Variants in NMNAT2 observed in about 807,000 individuals in gnomAD.
NMNAT2 encodes the protein nicotinamide/nicotinic acid mononucleotide adenylyltransferase 2.
A neutral mutation model predicts 41.6 loss-of-function variants in NMNAT2; 11 were observed. That is an observed-to-expected ratio of 0.26 (90% CI 0.17 to 0.44). The LOEUF is 0.44. NMNAT2 is among the 20% of genes least tolerant of loss of function. NMNAT2 has a pLI of 1.00. For missense variants in NMNAT2, 288 were observed against 407.7 expected, an observed-to-expected ratio of 0.71 and a Z score of 2.53; for synonymous variants, 148 against 151.2, an observed-to-expected ratio of 0.98 and a Z score of 0.16.
At chr1:183,320,422 G>A (rs1246423092) in intron 1 of NMNAT2, among the ~76,000 whole-genome samples, 8 of 152,008 alleles carry the variant, frequency 5.3e-5, no homozygotes, top group Non-Finnish European at 5.9e-5. Flanking sequence ...TGGCCAACGT[G>A]GTGAAACCCC....
intron 1 of NMNAT2, among the ~76,000 whole-genome samples, chr1:183,327,714 G>T (rs1662499528): frequency 6.6e-6 from 1 of 152,206 alleles, no homozygotes; most frequent in African/African-American, 2.4e-5. Flanking sequence ...ATTTCTCAGT[G>T]CCACAAGGAC....
intron 1 of NMNAT2, among the ~76,000 whole-genome samples, chr1:183,372,281 C>T (rs1663565200): frequency 6.6e-6 from 1 of 152,066 alleles, no homozygotes; most frequent in African/African-American, 2.4e-5. Context: ...TCCATCAAAC[C>T]AGAAAAAACA....
intron 1 of NMNAT2, among the ~76,000 whole-genome samples, chr1:183,376,988 C>T (rs1250782694): frequency 6.6e-6 from 1 of 152,132 alleles, no homozygotes; most frequent in Non-Finnish European, 1.5e-5. Flanking sequence ...GAAAGCTCCC[C>T]TCTTGGTTCT....
intron 1 of NMNAT2, among the ~76,000 whole-genome samples, chr1:183,380,841 T>G (rs1663789022): frequency 6.6e-6 from 1 of 152,144 alleles, no homozygotes; most frequent in South Asian, 2.1e-4. Context: ...GCTTGTCACC[T>G]TGTAGGAGGT....
At chr1:183,286,853 A>G (rs762197233) in intron 4 of NMNAT2, 65 bp from the exon 5 acceptor site, 45 of 1,540,966 alleles carry the variant, frequency 2.9e-5, no homozygotes, top group Non-Finnish European at 3.9e-5. Flanking sequence ...AGTTATCTCC[A>G]AGTGGTCATC....
chr1:183,392,339 A>G (rs1005175942), intron 1 of NMNAT2, among the ~76,000 whole-genome samples: 2 of 152,164 alleles, frequency 1.3e-5, no homozygotes, highest in African/African-American at 4.8e-5. Context: ...CCTACAAAAT[A>G]TATCTGATAC....
chr1:183,328,071 G>C (rs1262102163), intron 1 of NMNAT2, among the ~76,000 whole-genome samples: 1 of 152,208 alleles, frequency 6.6e-6, no homozygotes, highest in Non-Finnish European at 1.5e-5. Context: ...ACTTGGGCCA[G>C]AGAGGGGAGA....
chr1:183,261,345 C>T lies in NMNAT2; in HGVS notation c.652-42G>A, dbSNP rs201907080. 3,910 of 1,528,120 alleles carry T rather than the reference C, an allele frequency of 2.6e-3. 14 individuals are homozygous for T. Among genetic ancestry groups the T allele is most frequent in the Middle Eastern group, 5.3e-3 (23 of 4,316 alleles). The allele number at this position is 1,528,120 out of a possible 1,614,324, so 94.7% of individuals were successfully genotyped here. On this transcript the variant is annotated intron_variant, in intron 8 of 10. Coordinates refer to ENST00000287713, the MANE Select transcript of NMNAT2 (RefSeq NM_015039.4). ...AGGGCCCTTTGGTGAAACCCTGATCCCAAACTCCTACCAAGCAACTACTTA... is the reference window on the plus strand; with the variant it reads ...AGGGCCCTTTGGTGAAACCCTGATCTCAAACTCCTACCAAGCAACTACTTA...
In NMNAT2 at chr1:183,389,736, AAAAGAAAGAAAGAAAGAAAG is replaced by A. The variant is rs1186159050; in HGVS notation, c.85+28427_85+28446del. ...GGGCAACAGAGCAAGACCCTGTCAA[AAAAGAAAGAAAGAAAGAAAG>A]AAAGAAAGAAAGAAAGAAAGAAAGA... is the stretch of plus-strand genomic sequence containing the variant. On this transcript the variant is annotated intron_variant, in intron 1 of 10. Coordinates refer to ENST00000287713, the MANE Select transcript of NMNAT2 (RefSeq NM_015039.4). 5.6e-3 allele frequency among the ~76,000 whole-genome samples: 426 copies of A among 76,400 alleles called. 22 individuals carry two copies. Among genetic ancestry groups the A allele is most frequent in the Middle Eastern group, 6.7e-3 (1 of 150 alleles). 50.1% of individuals were successfully genotyped at this position (76,400 alleles called of 152,430 possible). A position where few individuals can be genotyped will look rare whatever the true frequency, so the allele number is the denominator to read the frequency against.
intron 1 of NMNAT2, among the ~76,000 whole-genome samples, chr1:183,298,395 T>G (rs1332513436): frequency 6.6e-6 from 1 of 150,392 alleles, no homozygotes; most frequent in Admixed American, 6.7e-5. Flanking sequence ...TATTTCCATA[T>G]GCTAGCAACA....
chr1:183,264,461 G>A (rs1349363381), intron 8 of NMNAT2, among the ~76,000 whole-genome samples: 2 of 152,066 alleles, frequency 1.3e-5, no homozygotes, highest in Admixed American at 1.3e-4. Context: ...GGTCGAGGGA[G>A]ACAGGATCTA....
chr1:183,331,381 G>T (rs1298871708), intron 1 of NMNAT2, among the ~76,000 whole-genome samples: 1 of 152,148 alleles, frequency 6.6e-6, no homozygotes, highest in Non-Finnish European at 1.5e-5. Flanking sequence ...AAGGAGAGAG[G>T]AGAAGGGAGC....
chr1:183,346,977 A>G (rs1424151282), intron 1 of NMNAT2, among the ~76,000 whole-genome samples: 1 of 152,170 alleles, frequency 6.6e-6, no homozygotes, highest in African/African-American at 2.4e-5. Context: ...AGACCCACTC[A>G]GATTCCACCT....
intron 1 of NMNAT2, among the ~76,000 whole-genome samples, chr1:183,374,291 CTTGCA>C: frequency 9.2e-6 from 1 of 108,602 alleles, no homozygotes; most frequent in Admixed American, 9.8e-5. Context: ...CAGGAATCTG[CTTGCA>C]CCCCCCTGGC....
At chr1:183,310,062 T>G (rs1346145355) in intron 1 of NMNAT2, among the ~76,000 whole-genome samples, 3 of 152,230 alleles carry the variant, frequency 2.0e-5, no homozygotes, top group Non-Finnish European at 4.4e-5. Context: ...GTTCTTGGAA[T>G]GTAAAAGATG....
chr1:183,412,055 C>T (rs572288746), intron 1 of NMNAT2, among the ~76,000 whole-genome samples: 1 of 152,180 alleles, frequency 6.6e-6, no homozygotes, highest in Non-Finnish European at 1.5e-5. Context: ...GGAAGAGATG[C>T]GTTAGGGTGG....
intron 1 of NMNAT2, among the ~76,000 whole-genome samples, chr1:183,296,129 C>T (rs1450057674): frequency 3.3e-5 from 5 of 152,300 alleles, no homozygotes; most frequent in Middle Eastern, 3.4e-3. Context: ...GGATTACAGG[C>T]GTGAGCCACC....
chr1:183,360,601 T>A (rs1571619043), intron 1 of NMNAT2, among the ~76,000 whole-genome samples: 1 of 152,186 alleles, frequency 6.6e-6, no homozygotes, highest in Non-Finnish European at 1.5e-5. Context: ...TGTGCAGAAC[T>A]GAGGTCTAGA....
chr1:183,405,836 A>G (rs1015283725), intron 1 of NMNAT2, among the ~76,000 whole-genome samples: 4 of 152,258 alleles, frequency 2.6e-5, no homozygotes, highest in African/African-American at 7.2e-5. Flanking sequence ...GGGAACGTGC[A>G]AAGTGTCTTT....
Sources: allele counts gnomAD v4.1 joint callset (sites outside exome capture counted in the v4.1 genomes callset), GRCh38; gene constraint gnomAD v4.1.1; transcripts MANE v1.5; gene names NCBI Gene and HGNC (gene_info 2026-07-23, HGNC 2026-07-21).